The following CTC1 variants were observed in gnomAD, a reference collection of about 807,000 sequenced individuals.
The protein encoded by CTC1 is CST complex subunit CTC1.
Under a neutral mutation model 136.3 loss-of-function variants are expected in CTC1, and 91 were observed. The observed-to-expected ratio is 0.67, with a 90% CI of 0.56 to 0.79. The LOEUF is 0.79. Ranked by LOEUF, CTC1 falls within the 30% of genes least tolerant of loss-of-function variation. CTC1 has a pLI of 0.00. For missense variants in CTC1, 1,432 were observed against 1,498.1 expected (o/e 0.96, Z 0.73); for synonymous variants, 606 against 613.8 (o/e 0.99, Z 0.19).
At position 8,226,391 on chromosome 17, in the gene CTC1, G is replaced by A. The variant is rs1213530900; in HGVS notation, c.*1789C>T. ...GACCGAGCTTTTTCAGATCTTTCTAGAACTAATTTGGTAACTCAACTGGCT... is the reference window on the plus strand; with the variant it reads ...GACCGAGCTTTTTCAGATCTTTCTAAAACTAATTTGGTAACTCAACTGGCT... On this transcript the variant is annotated 3_prime_UTR_variant, in exon 23 of 23. Coordinates refer to ENST00000651323, the MANE Select transcript of CTC1 (RefSeq NM_025099.6). 1 of 152,168 alleles carries A rather than the reference G, an allele frequency of 6.6e-6. No individual in the cohort carries two copies. Among genetic ancestry groups the A allele is most frequent in the Non-Finnish European group, 1.5e-5 (1 of 68,036 alleles). The allele number at this position is 152,168 out of a possible 1,614,324, so 9.4% of individuals were successfully genotyped here. A position where few individuals can be genotyped will look rare whatever the true frequency, so the allele number is the denominator to read the frequency against.
rs984798142 is a variant in CTC1, at chr17:8,228,086, T to C, written c.*94A>G. On this transcript the variant is annotated 3_prime_UTR_variant, in exon 23 of 23. Coordinates refer to ENST00000651323, the MANE Select transcript of CTC1 (RefSeq NM_025099.6). ...TAGCAGTTTGTGAATCTGGAGTCCTTGGTTCAATCACAGAACAAGTAGGGA... is the reference window on the plus strand; with the variant it reads ...TAGCAGTTTGTGAATCTGGAGTCCTCGGTTCAATCACAGAACAAGTAGGGA... The C allele has an allele frequency of 8.0e-7, 1 of 1,254,656 alleles. No individual in the cohort carries two copies. Among genetic ancestry groups the C allele is most frequent in the African/African-American group, 1.5e-5 (1 of 66,936 alleles). 77.7% of individuals were successfully genotyped at this position (1,254,656 alleles called of 1,614,324 possible). A position where few individuals can be genotyped will look rare whatever the true frequency, so the allele number is the denominator to read the frequency against.
intron 18 of CTC1, 90 bp downstream of exon 18, chr17:8,229,801 G>A: frequency 9.0e-7 from 1 of 1,113,460 alleles, no homozygotes; most frequent in Non-Finnish European, 1.4e-6. Context: ...GGAGAAGACT[G>A]TAATGATGGC....
chr17:8,231,704 TATG>T lies in CTC1; in HGVS notation c.2475+19_2475+21del, dbSNP rs777347776. On this transcript the variant is annotated intron_variant, in intron 14 of 22. Transcript: ENST00000651323. Reference sequence around the variant, plus strand: ...CCCAAAAAAGCTTTCTGGGGAAAGGTATGATGAAGTAGGACACTCACAGCGGGG... The same window carrying T: ...CCCAAAAAAGCTTTCTGGGGAAAGGTATGAAGTAGGACACTCACAGCGGGG... 1 of 1,607,096 alleles carries T rather than the reference TATG, an allele frequency of 6.2e-7. No individual in the cohort carries two copies. The highest frequency in any genetic ancestry group is 8.5e-7 in the Non-Finnish European group (1 of 1,173,610).
Position 8,226,748 on chromosome 17 carries a change from C to T in CTC1, c.*1432G>A, listed in dbSNP as rs1277971838. The T allele has an allele frequency of 6.6e-6, 1 of 152,174 alleles. No homozygotes were observed. The highest frequency in any genetic ancestry group is 1.9e-4 in the East Asian group (1 of 5,194). The allele number at this position is 152,174 out of a possible 1,614,324, so 9.4% of individuals were successfully genotyped here. On this transcript the variant is annotated 3_prime_UTR_variant, in exon 23 of 23. Coordinates refer to ENST00000651323, the MANE Select transcript of CTC1 (RefSeq NM_025099.6). ...TTTCTTACTTCCCTTGACTGACAAA[C>T]ATCTGCCTCCATGAAAGCGCTTCAG...
rs1986620815 is a variant in CTC1 at position 8,226,172 on chromosome 17, A to AG, written c.*2007_*2008insC. The AG allele has an allele frequency of 6.6e-6, 1 of 152,248 alleles. No individual in the cohort carries two copies. The highest frequency in any genetic ancestry group is 6.5e-5 in the Admixed American group (1 of 15,284). 9.4% of individuals were successfully genotyped at this position (152,248 alleles called of 1,614,324 possible). On this transcript the variant is annotated 3_prime_UTR_variant, in exon 23 of 23. Transcript: ENST00000651323. ...AACAGAAACTCTTACGCGTTCTGAT[A>AG]TAAAAACAATACATGAAAGGATGTG...
At chr17:8,238,767 A>G in intron 2 of CTC1, 138 bp from the exon 3 acceptor site, 1 of 637,408 alleles carries the variant, frequency 1.6e-6, no homozygotes, top group East Asian at 2.7e-5. Flanking sequence ...GATTGATTAA[A>G]GGGGTAAAAC....
At chr17:8,243,347 C>T (rs1988434194) in intron 1 of CTC1, among the ~76,000 whole-genome samples, 199 bp from the exon 2 acceptor site, 1 of 152,138 alleles carries the variant, frequency 6.6e-6, no homozygotes. Flanking sequence ...TGGTGAAACC[C>T]TGTCTCTACT....
intron 5 of CTC1, among the ~76,000 whole-genome samples, chr17:8,236,997 T>C (rs999128699): frequency 2.6e-5 from 4 of 151,536 alleles, no homozygotes; most frequent in South Asian, 2.1e-4. Context: ...AAAAATAAAA[T>C]TGTACCAGTT....
At chr17:8,239,952 T>G (rs1988070733) in intron 2 of CTC1, among the ~76,000 whole-genome samples, 1 of 152,130 alleles carries the variant, frequency 6.6e-6, no homozygotes. Flanking sequence ...CACGCTATAC[T>G]ATACTGAGTC....
At position 8,227,292 on chromosome 17, in the gene CTC1, C is replaced by G. The variant is rs1348958443; in HGVS notation, c.*888G>C. The G allele has an allele frequency of 6.6e-6, 1 of 152,194 alleles. No individual in the cohort carries two copies. Among genetic ancestry groups the G allele is most frequent in the African/African-American group, 2.4e-5 (1 of 41,434 alleles). 9.4% of individuals were successfully genotyped at this position (152,194 alleles called of 1,614,324 possible). A position where few individuals can be genotyped will look rare whatever the true frequency, so the allele number is the denominator to read the frequency against. Reference sequence around the variant, plus strand: ...CAGTAAAGAAATGCAGCAACACCAGCCAAAGGCATTGGTATCTCCAAAGAA... The same window carrying G: ...CAGTAAAGAAATGCAGCAACACCAGGCAAAGGCATTGGTATCTCCAAAGAA... On this transcript the variant is annotated 3_prime_UTR_variant, in exon 23 of 23. Coordinates refer to ENST00000651323, the MANE Select transcript of CTC1 (RefSeq NM_025099.6).
At position 8,229,429 on chromosome 17, in the gene CTC1, A is replaced by T. The variant is rs770939884; in HGVS notation, c.3029T>A (p.Ile1010Asn). 1 of 1,613,654 alleles carries T rather than the reference A, an allele frequency of 6.2e-7. No homozygotes were observed. Among genetic ancestry groups the T allele is most frequent in the South Asian group, 1.1e-5 (1 of 91,074 alleles). Residue 1010 changes from isoleucine (I) to asparagine (N), a missense_variant, in exon 19 of 23, where the codon ATC becomes AAC. Coordinates refer to ENST00000651323, the MANE Select transcript of CTC1 (RefSeq NM_025099.6). ...ACCCTGCAGAAGTTCAGCCAGGTAG[A>T]TGTGGGGCAGGGGAATGCTAAATAA... ...ETTISIPLPH[I>N]YLAELLQGGQ...
chr17:8,230,689 A>C, intron 15 of CTC1, 38 bp from the exon 16 acceptor site: 5 of 1,549,704 alleles, frequency 3.2e-6, no homozygotes, highest in Non-Finnish European at 4.5e-6. Context: ...ATGGAGGCAC[A>C]AGAAAGCACA....
Position 8,226,238 on chromosome 17 carries a change from C to G in CTC1, c.*1942G>C, listed in dbSNP as rs770796328. The G allele has an allele frequency of 6.6e-6, 1 of 152,234 alleles. No individual in the cohort carries two copies. 9.4% of individuals were successfully genotyped at this position (152,234 alleles called of 1,614,324 possible). The stretch of plus-strand genomic sequence containing the variant: ...TCACGCTGTTTCAATTGAATAAAGG[C>G]ACCGCTGGGATTCGAACCCAGGATC... On this transcript the variant is annotated 3_prime_UTR_variant, in exon 23 of 23. Coordinates refer to ENST00000651323, the MANE Select transcript of CTC1 (RefSeq NM_025099.6).
In CTC1 at chr17:8,236,360, A is replaced by C. The variant is rs2151524334; in HGVS notation, c.793-18T>G. The C allele has an allele frequency of 6.3e-7, 1 of 1,594,206 alleles. No individual in the cohort carries two copies. Among genetic ancestry groups the C allele is most frequent in the Non-Finnish European group, 8.5e-7 (1 of 1,174,046 alleles). ...GCAGGGACCTGGCTTGTGCAGAGACAGGCAATGTGACACAAGAGACCCCAA... is the reference window on the plus strand; with the variant it reads ...GCAGGGACCTGGCTTGTGCAGAGACCGGCAATGTGACACAAGAGACCCCAA... On this transcript the variant is annotated intron_variant, in intron 5 of 22. Coordinates refer to ENST00000651323, the MANE Select transcript of CTC1 (RefSeq NM_025099.6).
chr17:8,235,425 T>G, intron 7 of CTC1, 140 bp from the exon 8 acceptor site: 1 of 654,096 alleles, frequency 1.5e-6, no homozygotes, highest in Non-Finnish European at 2.6e-6. Flanking sequence ...TGGCCTCACT[T>G]TCCATTACAA....
Position 8,235,877 on chromosome 17 carries a change from T to A in CTC1, c.1160A>T (p.Gln387Leu). The A allele has an allele frequency of 6.2e-7, 1 of 1,613,972 alleles. No individual in the cohort carries two copies. The highest frequency in any genetic ancestry group is 8.5e-7 in the Non-Finnish European group (1 of 1,179,852). ...CATCACCCGCCTAAGGCCACGGAAC[T>A]GCTGGTAGGCAAGGCAGAGCCCCAG... The part of the protein sequence containing the change: ...GQLGLCLAYQ[Q>L]FRGLRRVMRP... Residue 387 changes from glutamine to leucine, a missense_variant, in exon 7 of 23, where the codon CAG (glutamine) becomes CTG (leucine). By Grantham distance (113) the Gln-to-Leu change is moderately radical (BLOSUM62 -2). Transcript: ENST00000651323.
chr17:8,230,492 G>C, intron 16 of CTC1, 24 bp from the exon 17 acceptor site: 4 of 1,613,742 alleles, frequency 2.5e-6, no homozygotes, highest in Non-Finnish European at 3.4e-6. Flanking sequence ...GTGGGTGTTA[G>C]TAGGATCTGT....
chr17:8,236,108 T>G lies in CTC1; in HGVS notation c.1027A>C (p.Lys343Gln), dbSNP rs768233977. The part of the protein sequence containing the change: ...PLPMPSNSED[K>Q]KDPESLVRYS... Reference sequence around the variant, plus strand: ...CGGACAAGACTTTCTGGATCCTTCTTGTCCTCCGAGTTGCTGGGCATGGGG... The same window carrying G: ...CGGACAAGACTTTCTGGATCCTTCTGGTCCTCCGAGTTGCTGGGCATGGGG... The change falls in exon 6 of 23, where the codon AAG (lysine) becomes CAG (glutamine). Residue 343 changes from lysine to glutamine, a missense_variant. Lys to Gln is a moderately conservative substitution (Grantham distance 53, BLOSUM62 1). Transcript: ENST00000651323. 7 of 1,614,250 alleles carry G rather than the reference T, an allele frequency of 4.3e-6. No homozygotes were observed. The highest frequency in any genetic ancestry group is 5.1e-6 in the Non-Finnish European group (6 of 1,180,046).
intron 5 of CTC1, 21 bp from the exon 6 acceptor site, chr17:8,236,363 C>T (rs1987728983): frequency 6.3e-7 from 1 of 1,591,792 alleles, no homozygotes; most frequent in Non-Finnish European, 8.5e-7. Context: ...CAGAGACAGG[C>T]AATGTGACAC....
Sources: allele counts gnomAD v4.1 joint callset (sites outside exome capture counted in the v4.1 genomes callset), GRCh38; gene constraint gnomAD v4.1.1; transcripts MANE v1.5; gene names NCBI Gene and HGNC (gene_info 2026-07-23, HGNC 2026-07-21).